The following NDUFS2 variants were observed in gnomAD, a reference collection of about 807,000 sequenced individuals.
NDUFS2 encodes NADH dehydrogenase [ubiquinone] iron-sulfur protein 2, mitochondrial.
NDUFS2 carries 38 observed loss-of-function variants against 69.6 expected under a neutral mutation model. That is an observed-to-expected ratio of 0.55 (90% CI 0.42 to 0.72). NDUFS2 has a LOEUF of 0.72. Ranked by LOEUF, NDUFS2 falls within the 30% of genes least tolerant of loss-of-function variation. The probability of loss-of-function intolerance (pLI) is 0.00; values close to 1 mark genes in which losing one functional copy is unlikely to be tolerated. For synonymous variants in NDUFS2, 194 were observed against 211.2 expected, an observed-to-expected ratio of 0.92 and a Z score of 0.70; for missense variants, 468 against 595.0, an observed-to-expected ratio of 0.79 and a Z score of 2.22.
chr1:161,205,440 C>T (rs1665408494), intron 2 of NDUFS2, among the ~76,000 whole-genome samples: 1 of 152,152 alleles, frequency 6.6e-6, no homozygotes, highest in Non-Finnish European at 1.5e-5. Flanking sequence ...TCCCTTCTAG[C>T]TATCTAAATC....
At chr1:161,202,589 TC>T in intron 1 of NDUFS2, 109 bp downstream of exon 1, 2 of 1,154,088 alleles carry the variant, frequency 1.7e-6, no homozygotes, top group Non-Finnish European at 2.5e-6. Context: ...GACCCCATTG[TC>T]CATCCCTGAT....
In NDUFS2 at chr1:161,210,132, G is replaced by T; in HGVS notation, c.724G>T (p.Asp242Tyr). 1.2e-6 allele frequency: 2 copies of T among 1,614,178 alleles called. No homozygotes were observed. The highest frequency in any genetic ancestry group is 1.7e-6 in the Non-Finnish European group (2 of 1,180,026). Reference protein sequence around the residue: ...VHQDLPLGLMDDIYQFSKNFS... With the variant: ...VHQDLPLGLMYDIYQFSKNFS... ...CTAGGACCTACCCCTTGGGCTTATG[G>T]ATGACATTTATCAGTTTTCTAAGAA... Residue 242 changes from aspartate (D) to tyrosine (Y), a missense_variant, in exon 7 of 14, where the codon GAT becomes TAT. Asp to Tyr is a radical substitution (Grantham distance 160, BLOSUM62 -3). Coordinates refer to ENST00000676972, the MANE Select transcript of NDUFS2 (RefSeq NM_001377299.1).
At chr1:161,207,835 C>T (rs943349010) in intron 3 of NDUFS2, among the ~76,000 whole-genome samples, 4 of 151,002 alleles carry the variant, frequency 2.6e-5, no homozygotes, top group Admixed American at 6.6e-5. Flanking sequence ...TTTTTCCCTA[C>T]GGAGTCTCGC....
intron 1 of NDUFS2, 92 bp downstream of exon 1, chr1:161,202,572 A>G (rs1273425716): frequency 2.4e-6 from 3 of 1,275,740 alleles, no homozygotes; most frequent in Non-Finnish European, 3.3e-6. Context: ...TAATAACCCA[A>G]GCCTGTGACC....
At chr1:161,204,099 A>G (rs1665325910) in intron 2 of NDUFS2, among the ~76,000 whole-genome samples, 1 of 152,220 alleles carries the variant, frequency 6.6e-6, no homozygotes, top group African/African-American at 2.4e-5. Flanking sequence ...GTCCCTACCA[A>G]TTTAAATATT....
chr1:161,214,271 G>A lies in NDUFS2; in HGVS notation c.*78G>A. On this transcript the variant is annotated 3_prime_UTR_variant, in exon 14 of 14. Coordinates refer to ENST00000676972, the MANE Select transcript of NDUFS2 (RefSeq NM_001377299.1). ...TGTTCCTCACTGGAAATTGGCCTCT[G>A]TGTGTGTGTGTGTGTGTGTGTGTGT... is the stretch of plus-strand genomic sequence containing the variant. The A allele has an allele frequency of 1.7e-6, 1 of 604,258 alleles. No homozygotes were observed. Among genetic ancestry groups the A allele is most frequent in the Non-Finnish European group, 2.7e-6 (1 of 368,416 alleles). 37.4% of individuals were successfully genotyped at this position (604,258 alleles called of 1,614,324 possible). A position where few individuals can be genotyped will look rare whatever the true frequency, so the allele number is the denominator to read the frequency against.
At chr1:161,208,005 AC>A (rs1206344960) in intron 3 of NDUFS2, among the ~76,000 whole-genome samples, 4 of 87,024 alleles carry the variant, frequency 4.6e-5, no homozygotes, top group South Asian at 3.5e-4. Flanking sequence ...TTTTTTTGAG[AC>A]GGAGTTTCAC....
At chr1:161,206,651 G>T (rs1470640308) in intron 3 of NDUFS2, 54 bp downstream of exon 3, 8 of 1,587,260 alleles carry the variant, frequency 5.0e-6, no homozygotes, top group African/African-American at 1.3e-5. Flanking sequence ...CTTTAGCCTG[G>T]GGCTTTGCCA....
chr1:161,203,868 C>T, intron 2 of NDUFS2: 1 of 381,192 alleles, frequency 2.6e-6, no homozygotes, highest in Non-Finnish European at 5.1e-6. Context: ...TCCGAAAGTG[C>T]TGAGATACAG....
chr1:161,212,381 G>A lies in NDUFS2; in HGVS notation c.1017G>A (p.Gln339=), dbSNP rs150213710. ...TGTGCCGGGTGGAGGAGATGCGCCA[G>A]TCCCTGAGAATTATCGCACAGTGTC... ...RYLCRVEEMR[Q]SLRIIAQCLN... is the part of the protein sequence containing the mutation. Residue 339 remains glutamine, a synonymous_variant, in exon 10 of 14, where the codon CAG becomes CAA. Coordinates refer to ENST00000676972, the MANE Select transcript of NDUFS2 (RefSeq NM_001377299.1). 2.5e-5 allele frequency: 40 copies of A among 1,613,630 alleles called. No homozygotes were observed. The highest frequency in any genetic ancestry group is 3.4e-5 in the Non-Finnish European group (40 of 1,179,772).
chr1:161,210,429 G>A, intron 8 of NDUFS2, 40 bp downstream of exon 8: 1 of 1,601,742 alleles, frequency 6.2e-7, no homozygotes, highest in Non-Finnish European at 8.6e-7. Context: ...AGTGGGGGTG[G>A]GAGTGGGGGA....
At chr1:161,209,388 C>CCCAA in intron 4 of NDUFS2, 75 bp downstream of exon 4, 1 of 1,612,052 alleles carries the variant, frequency 6.2e-7, no homozygotes, top group Non-Finnish European at 8.5e-7. Context: ...CCCCGTTGAA[C>CCCAA]CCAAGCTTAG....
upstream of NDUFS2, among the ~76,000 whole-genome samples, chr1:161,200,482 C>T (rs1330881490): frequency 6.6e-6 from 1 of 152,150 alleles, no homozygotes; most frequent in Non-Finnish European, 1.5e-5. Context: ...GGACCACCTC[C>T]TCTTGCCTCT....
intron 1 of NDUFS2, 115 bp downstream of exon 1, chr1:161,202,595 C>T: frequency 8.8e-7 from 1 of 1,133,688 alleles, no homozygotes; most frequent in East Asian, 2.6e-5. Context: ...ATTGTCCATC[C>T]CTGATTTCTT....
At chr1:161,213,992 A>G in intron 13 of NDUFS2, 71 bp downstream of exon 13, 1 of 1,613,906 alleles carries the variant, frequency 6.2e-7, no homozygotes. Flanking sequence ...GGACAGAAGG[A>G]GAACACTTCC....
At chr1:161,208,533 C>T (rs1665601747) in intron 3 of NDUFS2, among the ~76,000 whole-genome samples, 1 of 152,188 alleles carries the variant, frequency 6.6e-6, no homozygotes, top group African/African-American at 2.4e-5. Flanking sequence ...CTCCTGACCT[C>T]AGGTGATCTA....
At chr1:161,198,285 C>T, upstream of NDUFS2, 2 of 1,613,790 alleles carry the variant, frequency 1.2e-6, no homozygotes, top group Non-Finnish European at 1.7e-6. This position sits in a 1 kb window ranked among gnomAD's most constrained non-coding sequence, Gnocchi z 4.7. Flanking sequence ...AGCTCAGGCG[C>T]CTGGCCCAGG....
chr1:161,214,198 G>A lies in NDUFS2; in HGVS notation c.*5G>A, dbSNP rs1665926982. 1.2e-6 allele frequency: 2 copies of A among 1,612,748 alleles called. No individual in the cohort carries two copies. Among genetic ancestry groups the A allele is most frequent in the African/African-American group, 2.7e-5 (2 of 74,822 alleles). ...TTTGGAGAAGTAGATCGGTGAGCAG[G>A]GGAGCAGCGTTTGATCCCCCCTGCC... On this transcript the variant is annotated 3_prime_UTR_variant, in exon 14 of 14. Transcript: ENST00000676972.
chr1:161,198,380 C>A, upstream of NDUFS2: 1 of 1,612,516 alleles, frequency 6.2e-7, no homozygotes, highest in Middle Eastern at 1.7e-4. The surrounding 1 kb of genome is among the most constrained non-coding windows in gnomAD (Gnocchi z 4.7). Flanking sequence ...CTGCAAGCGG[C>A]ACAACAGCCT....
Sources: gnomAD v4.1 joint callset for allele counts (sites outside exome capture counted in the v4.1 genomes callset) on GRCh38, gnomAD v4.1.1 for gene constraint, Gnocchi (gnomAD v3.1) non-coding constraint, MANE v1.5 for transcripts, NCBI Gene and HGNC (gene_info 2026-07-23, HGNC 2026-07-21) for gene names.